The following IL1RAPL2 variants were observed in gnomAD, a reference collection of about 807,000 sequenced individuals.
IL1RAPL2 encodes interleukin 1 receptor accessory protein like 2, also known as X-linked interleukin-1 receptor accessory protein-like 2.
Under a neutral mutation model 44.1 loss-of-function variants are expected in IL1RAPL2, and 3 were observed. The observed-to-expected ratio is 0.07, with a 90% CI of 0.03 to 0.18. The LOEUF (loss-of-function observed/expected upper bound fraction) is 0.18, where lower values mean the gene tolerates loss of function less well. IL1RAPL2 is among the 10% of genes least tolerant of loss of function. The pLI is 1.00. For synonymous variants in IL1RAPL2, 181 were observed against 178.8 expected, an observed-to-expected ratio of 1.01 and a Z score of -0.10; for missense variants, 391 against 496.4, an observed-to-expected ratio of 0.79 and a Z score of 2.02.
intron 2 of IL1RAPL2, among the ~76,000 whole-genome samples, chrX:105,043,414 A>G (rs888875300): frequency 1.8e-5 from 2 of 108,882 alleles, no homozygotes; most frequent in Non-Finnish European, 3.8e-5. Flanking sequence ...TTTAGGAAGC[A>G]CTGTGCTTTT....
intron 2 of IL1RAPL2, among the ~76,000 whole-genome samples, chrX:104,809,845 G>A (rs902008862): frequency 1.8e-5 from 2 of 111,243 alleles, no homozygotes; most frequent in Non-Finnish European, 3.8e-5. Flanking sequence ...TTTCTTCTAG[G>A]GTTTTTATGG....
chrX:105,134,466 C>G (rs2033057404), intron 2 of IL1RAPL2, among the ~76,000 whole-genome samples: 2 of 111,685 alleles, frequency 1.8e-5, no homozygotes, highest in Non-Finnish European at 3.8e-5. Flanking sequence ...TAGTAAGTAT[C>G]TCTCTCTTTA....
intron 2 of IL1RAPL2, among the ~76,000 whole-genome samples, chrX:104,669,167 A>G (rs991884977): frequency 9.0e-6 from 1 of 111,377 alleles, no homozygotes; most frequent in Non-Finnish European, 1.9e-5. Context: ...AGAGAATTCA[A>G]ATGATTCACA....
chrX:104,989,477 G>T (rs1925717574), intron 2 of IL1RAPL2, among the ~76,000 whole-genome samples: 1 of 111,720 alleles, frequency 9.0e-6, no homozygotes, highest in South Asian at 3.7e-4. Context: ...TTTCCAGTTT[G>T]AATCTTCTTT....
Position 104,875,330 on chromosome X carries a change from G to A in IL1RAPL2, c.82+216335G>A, listed in dbSNP as rs1288072052. ...TTGAGTATCTATTCTGTTGGGTATT[G>A]TACTTAACACTGAGGATACCAAAAA... On this transcript the variant is annotated intron_variant, in intron 2 of 10. Transcript: ENST00000372582. Among the ~76,000 whole-genome samples, 5 of 111,475 alleles carry A rather than the reference G, an allele frequency of 4.5e-5. No individual in the cohort carries two copies. In the East Asian group the frequency reaches 1.4e-3, roughly 31 times the overall value.
At chrX:105,731,741 G>T (rs919522182) in intron 7 of IL1RAPL2, among the ~76,000 whole-genome samples, 3 of 110,778 alleles carry the variant, frequency 2.7e-5, no homozygotes, top group African/African-American at 9.8e-5. Flanking sequence ...AAAAAAAATT[G>T]ATTTCATGAA....
At chrX:105,468,112 A>T (rs2036143251) in intron 5 of IL1RAPL2, among the ~76,000 whole-genome samples, 1 of 112,048 alleles carries the variant, frequency 8.9e-6, no homozygotes, top group South Asian at 3.7e-4. Flanking sequence ...AAACGCTAGC[A>T]CGTGTTCCTA....
At chrX:104,791,081 G>A (rs750388832) in intron 2 of IL1RAPL2, among the ~76,000 whole-genome samples, 14 of 111,496 alleles carry the variant, frequency 1.3e-4, no homozygotes, top group Non-Finnish European at 2.1e-4. Flanking sequence ...AGGCTACACA[G>A]CTAGTCATGA....
chrX:105,326,660 C>G (rs1182021121), intron 5 of IL1RAPL2, among the ~76,000 whole-genome samples: 1 of 111,331 alleles, frequency 9.0e-6, no homozygotes, highest in Non-Finnish European at 1.9e-5. Flanking sequence ...TTTTTTATCC[C>G]ATTGAAATGC....
intron 6 of IL1RAPL2, among the ~76,000 whole-genome samples, chrX:105,521,880 C>G (rs773666114): frequency 8.9e-6 from 1 of 112,421 alleles, no homozygotes; most frequent in East Asian, 2.8e-4. Flanking sequence ...TGTATAACTA[C>G]TACCCACTGG....
intron 6 of IL1RAPL2, among the ~76,000 whole-genome samples, chrX:105,675,739 C>T (rs915838237): frequency 9.0e-6 from 1 of 111,120 alleles, no homozygotes; most frequent in Non-Finnish European, 1.9e-5. Context: ...GAAATGGTAT[C>T]AGCTCCTCTT....
chrX:105,107,712 C>T (rs763890546), intron 2 of IL1RAPL2, among the ~76,000 whole-genome samples: 1 of 111,377 alleles, frequency 9.0e-6, no homozygotes, highest in East Asian at 2.8e-4. Context: ...TGAATTCATT[C>T]TTTTTGAGAA....
At chrX:105,190,125 A>G (rs1368646794) in intron 2 of IL1RAPL2, among the ~76,000 whole-genome samples, 2 of 111,535 alleles carry the variant, frequency 1.8e-5, no homozygotes, top group Non-Finnish European at 3.8e-5. Context: ...AAATTTGTGC[A>G]AAACACCTAG....
rs202103760 is a variant in IL1RAPL2, at chrX:105,264,893, TA to T, written c.544-2486del. On this transcript the variant is annotated intron_variant, in intron 4 of 10. Coordinates refer to ENST00000372582, the MANE Select transcript of IL1RAPL2 (RefSeq NM_017416.2). Reference sequence around the variant, plus strand: ...AGACAACATTTTCTTATGCCACAGTTAAAAAAAAATAAAGATCCTCTATTGG... The same window carrying T: ...AGACAACATTTTCTTATGCCACAGTTAAAAAAAATAAAGATCCTCTATTGG... Among the ~76,000 whole-genome samples, 417 of 109,953 alleles carry T rather than the reference TA, an allele frequency of 3.8e-3. 2 individuals are homozygous for T. The highest frequency in any genetic ancestry group is 0.013 in the African/African-American group (400 of 30,300).
chrX:104,692,499 C>T (rs1425929207), intron 2 of IL1RAPL2, among the ~76,000 whole-genome samples: 1 of 109,408 alleles, frequency 9.1e-6, no homozygotes, highest in Non-Finnish European at 1.9e-5. Context: ...TATCCCTCCC[C>T]CTTCCCCCCA....
At chrX:105,713,504 G>C (rs1173195990) in intron 6 of IL1RAPL2, among the ~76,000 whole-genome samples, 1 of 111,621 alleles carries the variant, frequency 9.0e-6, no homozygotes, top group African/African-American at 3.3e-5. Flanking sequence ...ACTGTCATGA[G>C]AACAGCATGG....
chrX:105,480,509 T>C (rs1170641507), intron 5 of IL1RAPL2, among the ~76,000 whole-genome samples: 1 of 112,035 alleles, frequency 8.9e-6, no homozygotes, highest in Non-Finnish European at 1.9e-5. Flanking sequence ...AAATTGTACA[T>C]TGAAACGTTA....
chrX:105,252,004 T>C (rs2034272913), intron 4 of IL1RAPL2, among the ~76,000 whole-genome samples: 1 of 111,134 alleles, frequency 9.0e-6, no homozygotes, highest in Non-Finnish European at 1.9e-5. Flanking sequence ...TTTGATTTGA[T>C]GTGTTTTGAC....
intron 5 of IL1RAPL2, among the ~76,000 whole-genome samples, chrX:105,346,876 A>G (rs2035114852): frequency 8.9e-6 from 1 of 112,108 alleles, no homozygotes; most frequent in Non-Finnish European, 1.9e-5. Flanking sequence ...TTTTTTCTCC[A>G]GGTAGAACTG....
Sources: allele counts gnomAD v4.1 joint callset (sites outside exome capture counted in the v4.1 genomes callset), GRCh38; gene constraint gnomAD v4.1.1; transcripts MANE v1.5; gene names NCBI Gene and HGNC (gene_info 2026-07-23, HGNC 2026-07-21).